Variants in PCOLCE2 observed in about 807,000 individuals in gnomAD.
PCOLCE2 encodes the protein procollagen C-proteinase enhancer 2.
Under a neutral mutation model 47.0 loss-of-function variants are expected in PCOLCE2, and 42 were observed. The ratio of observed to expected loss-of-function variants is 0.89; its 90% CI spans 0.70 to 1.16. The LOEUF (loss-of-function observed/expected upper bound fraction) is 1.16, where lower values mean the gene tolerates loss of function less well. PCOLCE2 is among the 50% of genes most tolerant of loss of function. The pLI, the probability that PCOLCE2 is intolerant of heterozygous loss-of-function variation, is 0.00. For synonymous variants in PCOLCE2, 169 were observed against 191.7 expected (o/e 0.88, Z 0.98); for missense variants, 500 against 526.1 (o/e 0.95, Z 0.49).
At chr3:142,843,137 G>C in intron 3 of PCOLCE2, 89 bp from the exon 4 acceptor site, 1 of 1,328,486 alleles carries the variant, frequency 7.5e-7, no homozygotes, top group Non-Finnish European at 1.1e-6. Flanking sequence ...TGGGATCTTT[G>C]GTGAGAGTAC....
chr3:142,887,495 G>A (rs1933737867), intron 2 of PCOLCE2, 174 bp downstream of exon 2: 5 of 579,068 alleles, frequency 8.6e-6, no homozygotes, highest in Middle Eastern at 3.0e-4. Context: ...TGCAGGACAC[G>A]ACTAGATCTA....
chr3:142,840,582 C>A (rs1276986235), intron 4 of PCOLCE2, among the ~76,000 whole-genome samples: 1 of 152,164 alleles, frequency 6.6e-6, no homozygotes, highest in African/African-American at 2.4e-5. Context: ...TGGCTTTGAC[C>A]ATAATTTCCA....
At chr3:142,832,913 C>T (rs1937166237) in intron 5 of PCOLCE2, among the ~76,000 whole-genome samples, 1 of 152,176 alleles carries the variant, frequency 6.6e-6, no homozygotes, top group African/African-American at 2.4e-5. Flanking sequence ...ACTATGAAAA[C>T]TATTCCTCTG....
At chr3:142,845,133 T>C (rs1460046076) in intron 3 of PCOLCE2, among the ~76,000 whole-genome samples, 1 of 152,236 alleles carries the variant, frequency 6.6e-6, no homozygotes, top group Non-Finnish European at 1.5e-5. Context: ...TTTTTCCTTA[T>C]AGCCTTCTTT....
intron 2 of PCOLCE2, among the ~76,000 whole-genome samples, chr3:142,879,970 CA>C (rs772887718): frequency 0.024 from 1,284 of 53,520 alleles, 9 homozygotes; most frequent in African/African-American, 0.051. Context: ...GACTCCATCT[CA>C]AAAAAAAAAA....
chr3:142,821,623 TTC>T (rs566076598), intron 7 of PCOLCE2, among the ~76,000 whole-genome samples: 16 of 152,164 alleles, frequency 1.1e-4, no homozygotes, highest in Non-Finnish European at 2.1e-4. Flanking sequence ...GTCTTTCATA[TTC>T]TCTTTCTTAT....
intron 2 of PCOLCE2, 88 bp from the exon 3 acceptor site, chr3:142,848,560 A>G (rs1158466371): frequency 5.1e-6 from 6 of 1,166,752 alleles, no homozygotes; most frequent in Non-Finnish European, 7.4e-6. Context: ...TGTGTAAAGT[A>G]TAATATCCAA....
chr3:142,867,312 C>T (rs1933305294), intron 2 of PCOLCE2, among the ~76,000 whole-genome samples: 1 of 152,136 alleles, frequency 6.6e-6, no homozygotes, highest in Admixed American at 6.6e-5. Flanking sequence ...TGGGTGTTTC[C>T]CCAGACAAGA....
At chr3:142,827,222 T>A in intron 6 of PCOLCE2, 1 of 1,229,326 alleles carries the variant, frequency 8.1e-7, no homozygotes, top group Non-Finnish European at 1.2e-6. Context: ...GATGTGCTGG[T>A]GGTTGCCACC....
At chr3:142,856,817 A>G (rs1933069036) in intron 2 of PCOLCE2, among the ~76,000 whole-genome samples, 1 of 151,910 alleles carries the variant, frequency 6.6e-6, no homozygotes, top group Non-Finnish European at 1.5e-5. Context: ...AAATCTTCTG[A>G]GCAAGTTATA....
chr3:142,858,735 ATG>A (rs113491195), intron 2 of PCOLCE2, among the ~76,000 whole-genome samples: 15 of 140,362 alleles, frequency 1.1e-4, no homozygotes, highest in South Asian at 2.2e-4. Flanking sequence ...GTGTGTGTGT[ATG>A]TGTGTGTGTG....
intron 2 of PCOLCE2, among the ~76,000 whole-genome samples, chr3:142,854,574 C>T (rs990677753): frequency 2.6e-5 from 4 of 152,048 alleles, no homozygotes; most frequent in Non-Finnish European, 4.4e-5. Flanking sequence ...GTAGAAATAA[C>T]GAGATGTTTT....
chr3:142,848,148 A>G, intron 3 of PCOLCE2, 69 bp downstream of exon 3: 1 of 1,509,536 alleles, frequency 6.6e-7, no homozygotes, highest in Non-Finnish European at 9.1e-7. Flanking sequence ...AAAGGAGTAA[A>G]TAAACATCAA....
At chr3:142,855,848 C>T (rs567797907) in intron 2 of PCOLCE2, among the ~76,000 whole-genome samples, 1 of 152,234 alleles carries the variant, frequency 6.6e-6, no homozygotes, top group East Asian at 1.9e-4. Context: ...CCCAGAACAG[C>T]CCTCCCACTG....
intron 3 of PCOLCE2, among the ~76,000 whole-genome samples, chr3:142,846,144 T>C (rs1045942165): frequency 1.3e-5 from 2 of 152,184 alleles, no homozygotes; most frequent in African/African-American, 2.4e-5. Flanking sequence ...ATGGGGGTGC[T>C]TCATTTTTAT....
At chr3:142,822,829 GT>G (rs1384927727) in intron 7 of PCOLCE2, among the ~76,000 whole-genome samples, 4 of 152,198 alleles carry the variant, frequency 2.6e-5, no homozygotes, top group African/African-American at 4.8e-5. Flanking sequence ...CTCTGGGGAA[GT>G]TTTGTTTGGG....
intron 5 of PCOLCE2, among the ~76,000 whole-genome samples, chr3:142,837,052 T>A (rs1490290771): frequency 6.6e-6 from 1 of 152,150 alleles, no homozygotes; most frequent in Non-Finnish European, 1.5e-5. Flanking sequence ...TAACCACAAG[T>A]GCCCTTATAA....
chr3:142,825,498 G>T (rs374294936), intron 6 of PCOLCE2, among the ~76,000 whole-genome samples: 35 of 152,134 alleles, frequency 2.3e-4, no homozygotes, highest in South Asian at 2.3e-3. Context: ...TCTTCACCAG[G>T]GACTTTCCTA....
Position 142,823,584 on chromosome 3 carries a change from T to G in PCOLCE2, c.897A>C (p.Gln299His). ...CCAGAGTCCCCGTCCGTCTACACTT[T>G]TGTTGACACAAGGCCACGGTGGGTT... ...GLKPTVALCQQKCRRTGTLEG... is the reference protein window; with the variant it reads ...GLKPTVALCQHKCRRTGTLEG... Residue 299 changes from glutamine (Q) to histidine (H), a missense_variant, in exon 7 of 9, where the codon CAA (glutamine) becomes CAC (histidine). Physicochemically the swap from Gln to His is conservative, Grantham distance 24. Coordinates refer to ENST00000295992, the MANE Select transcript of PCOLCE2 (RefSeq NM_013363.4). The G allele has an allele frequency of 6.2e-7, 1 of 1,610,858 alleles. No homozygotes were observed. The highest frequency in any genetic ancestry group is 8.5e-7 in the Non-Finnish European group (1 of 1,177,214).
Sources: allele counts gnomAD v4.1 joint callset (sites outside exome capture counted in the v4.1 genomes callset), GRCh38; gene constraint gnomAD v4.1.1; transcripts MANE v1.5; gene names NCBI Gene and HGNC (gene_info 2026-07-23, HGNC 2026-07-21).